B3GALT1: variants seen among roughly 807,000 people sequenced by gnomAD.
B3GALT1 encodes UDP-Gal:betaGlcNAc beta 1,3-galactosyltransferase, polypeptide 1.
A neutral mutation model predicts 23.2 loss-of-function variants in B3GALT1; 10 were observed. The observed-to-expected ratio is 0.43, with a 90% CI of 0.27 to 0.73. The LOEUF (loss-of-function observed/expected upper bound fraction) is 0.73, where lower values mean the gene tolerates loss of function less well. Ranked by LOEUF, B3GALT1 falls within the 30% of genes least tolerant of loss-of-function variation. The pLI is 0.21. For synonymous variants in B3GALT1, 156 were observed against 141.5 expected (o/e 1.10, Z -0.73); for missense variants, 299 against 405.4 (o/e 0.74, Z 2.25).
At chr2:167,645,597 T>C (rs1685735885) in intron 2 of B3GALT1, among the ~76,000 whole-genome samples, 1 of 135,536 alleles carries the variant, frequency 7.4e-6, no homozygotes, top group Non-Finnish European at 1.5e-5. Context: ...AGTCTCACTC[T>C]GTCACCCAGG....
At chr2:167,508,038 G>C (rs1352749402) in intron 2 of B3GALT1, among the ~76,000 whole-genome samples, 2 of 152,100 alleles carry the variant, frequency 1.3e-5, no homozygotes, top group Non-Finnish European at 2.9e-5. Flanking sequence ...AAGAGCAAGA[G>C]AGCTCTCTGG....
At chr2:167,707,314 A>G (rs1342189850) in intron 3 of B3GALT1, among the ~76,000 whole-genome samples, 1 of 152,094 alleles carries the variant, frequency 6.6e-6, no homozygotes, top group African/African-American at 2.4e-5. Context: ...GTGGTTTATT[A>G]TGTAGCAATA....
intron 2 of B3GALT1, among the ~76,000 whole-genome samples, chr2:167,498,731 G>T (rs7599361): frequency 1 from 152,266 of 152,268 alleles, 76,132 homozygotes; most frequent in Middle Eastern, 1. Context: ...TATATGGGAC[G>T]TTCTGAAAAA....
At chr2:167,508,774 A>AT (rs2105352643) in intron 2 of B3GALT1, among the ~76,000 whole-genome samples, 1 of 150,526 alleles carries the variant, frequency 6.6e-6, no homozygotes, top group African/African-American at 2.5e-5. Context: ...TAAACTTTTC[A>AT]TAAAAAAAAA....
intron 1 of B3GALT1, among the ~76,000 whole-genome samples, chr2:167,479,562 A>G (rs770867556): frequency 1.3e-5 from 2 of 152,178 alleles, no homozygotes; most frequent in Non-Finnish European, 2.9e-5. Flanking sequence ...CATAACTTTC[A>G]TATTTCTGCT....
intron 3 of B3GALT1, among the ~76,000 whole-genome samples, chr2:167,778,288 C>G (rs887969131): frequency 6.6e-6 from 1 of 152,076 alleles, no homozygotes; most frequent in East Asian, 1.9e-4. Context: ...TTTATTTTCT[C>G]TTTTCCTCCC....
At chr2:167,454,719 T>G (rs745936888) in intron 1 of B3GALT1, among the ~76,000 whole-genome samples, 1 of 152,212 alleles carries the variant, frequency 6.6e-6, no homozygotes, top group Non-Finnish European at 1.5e-5. Context: ...TTCCCATCTG[T>G]TATCTCCTTT....
chr2:167,706,128 T>C (rs185165850), intron 3 of B3GALT1, among the ~76,000 whole-genome samples: 167 of 152,274 alleles, frequency 1.1e-3, no homozygotes, highest in African/African-American at 3.8e-3. Flanking sequence ...TTAACTGATA[T>C]GAAAGAGCAC....
chr2:167,758,069 A>G (rs537667100), intron 3 of B3GALT1, among the ~76,000 whole-genome samples: 1 of 152,312 alleles, frequency 6.6e-6, no homozygotes, highest in East Asian at 1.9e-4. Flanking sequence ...ATGAATTCCA[A>G]TGGGAGTAGC....
chr2:167,481,040 T>C (rs1235319069), intron 1 of B3GALT1, among the ~76,000 whole-genome samples: 1 of 152,164 alleles, frequency 6.6e-6, no homozygotes, highest in Non-Finnish European at 1.5e-5. Flanking sequence ...TTTTGGAACT[T>C]TTTTTCTCTC....
intron 1 of B3GALT1, among the ~76,000 whole-genome samples, chr2:167,474,344 T>C (rs769891902): frequency 6.6e-6 from 1 of 152,184 alleles, no homozygotes; most frequent in South Asian, 2.1e-4. Flanking sequence ...TACAATCTTT[T>C]GGTATTGTCA....
chr2:167,540,588 T>C (rs750345484), intron 2 of B3GALT1, among the ~76,000 whole-genome samples: 1 of 152,182 alleles, frequency 6.6e-6, no homozygotes, highest in Admixed American at 6.5e-5. Flanking sequence ...GTGCTTACTT[T>C]CTGTTCTATC....
At chr2:167,791,536 G>C (rs1233787571) in intron 3 of B3GALT1, among the ~76,000 whole-genome samples, 2 of 152,142 alleles carry the variant, frequency 1.3e-5, no homozygotes, top group Non-Finnish European at 2.9e-5. Context: ...AGATAAACAT[G>C]AAGGAATTTT....
intron 3 of B3GALT1, among the ~76,000 whole-genome samples, chr2:167,786,354 T>C (rs1212347284): frequency 6.6e-6 from 1 of 152,246 alleles, no homozygotes; most frequent in Non-Finnish European, 1.5e-5. Context: ...AATTAAACTA[T>C]ATAGCATCAT....
At chr2:167,839,950 T>G (rs1269932919) in intron 4 of B3GALT1, among the ~76,000 whole-genome samples, 2 of 151,932 alleles carry the variant, frequency 1.3e-5, no homozygotes, top group Non-Finnish European at 2.9e-5. Flanking sequence ...ATTTAATAAA[T>G]GGTGCTGGGA....
At chr2:167,369,281 T>C (rs1286830004) in intron 1 of B3GALT1, among the ~76,000 whole-genome samples, 1 of 152,152 alleles carries the variant, frequency 6.6e-6, no homozygotes. Flanking sequence ...GCCTTGCCTC[T>C]TACTATCTCC....
intron 3 of B3GALT1, among the ~76,000 whole-genome samples, chr2:167,748,359 G>A (rs1010408434): frequency 1.3e-5 from 2 of 151,628 alleles, no homozygotes; most frequent in African/African-American, 2.4e-5. Flanking sequence ...ATTCATCATT[G>A]ATGAAAAGAA....
At chr2:167,299,619 TAAC>T (rs1378440614) in intron 1 of B3GALT1, among the ~76,000 whole-genome samples, 2 of 152,134 alleles carry the variant, frequency 1.3e-5, no homozygotes, top group Admixed American at 6.5e-5. Flanking sequence ...AAGCAACAAT[TAAC>T]AAATAATAGA....
intron 1 of B3GALT1, among the ~76,000 whole-genome samples, chr2:167,453,315 T>G (rs1332017390): frequency 1.3e-5 from 2 of 152,258 alleles, no homozygotes. Flanking sequence ...CTAAAGCAGG[T>G]AATCCCACCT....
Sources: allele counts gnomAD v4.1 joint callset (sites outside exome capture counted in the v4.1 genomes callset), GRCh38; gene constraint gnomAD v4.1.1; transcripts MANE v1.5; gene names NCBI Gene and HGNC (gene_info 2026-07-23, HGNC 2026-07-21).